Variants in GALNTL6 observed in about 807,000 individuals in gnomAD.
The protein encoded by GALNTL6 is polypeptide N-acetylgalactosaminyltransferase-like 6.
Under a neutral mutation model 73.7 loss-of-function variants are expected in GALNTL6, and 46 were observed. That is an observed-to-expected ratio of 0.62 (90% confidence interval 0.49 to 0.80). GALNTL6 has a LOEUF of 0.80. Among genes scored for constraint, GALNTL6 ranks in the 30% least tolerant of loss-of-function variants. GALNTL6 has a pLI of 0.00. For synonymous variants in GALNTL6, 259 were observed against 263.7 expected (o/e 0.98, Z 0.17); for missense variants, 604 against 755.0 (o/e 0.80, Z 2.34).
intron 5 of GALNTL6, among the ~76,000 whole-genome samples, chr4:172,695,845 C>G (rs1733655575): frequency 6.6e-6 from 1 of 151,818 alleles, no homozygotes; most frequent in Non-Finnish European, 1.5e-5. Flanking sequence ...CCCAGATACT[C>G]AGGAGGCTGA....
intron 5 of GALNTL6, among the ~76,000 whole-genome samples, chr4:172,752,606 G>A (rs1737491941): frequency 6.6e-6 from 1 of 151,918 alleles, no homozygotes; most frequent in African/African-American, 2.4e-5. Flanking sequence ...AATATTTAAT[G>A]CATTACTTCA....
At chr4:172,990,085 AG>A (rs1018272547) in intron 10 of GALNTL6, among the ~76,000 whole-genome samples, 8 of 152,196 alleles carry the variant, frequency 5.3e-5, no homozygotes, top group African/African-American at 1.9e-4. Context: ...AGTTCTCCCA[AG>A]GGGCTTTTAT....
chr4:172,769,770 G>T (rs556805687), intron 5 of GALNTL6, among the ~76,000 whole-genome samples: 1 of 152,100 alleles, frequency 6.6e-6, no homozygotes, highest in Non-Finnish European at 1.5e-5. Context: ...TTTGTATTTC[G>T]TGTAATAAAA....
At chr4:172,870,052 G>GACA (rs763611389) in intron 7 of GALNTL6, among the ~76,000 whole-genome samples, 1 of 143,056 alleles carries the variant, frequency 7.0e-6, no homozygotes, top group Middle Eastern at 3.3e-3. Flanking sequence ...GACCTTTACT[G>GACA]TCATCATCAT....
intron 5 of GALNTL6, among the ~76,000 whole-genome samples, chr4:172,609,122 T>C (rs1272757272): frequency 6.6e-6 from 1 of 152,134 alleles, no homozygotes; most frequent in African/African-American, 2.4e-5. Flanking sequence ...TTTGTTGCCT[T>C]TTTATTTCTT....
chr4:172,276,740 G>A (rs1031690896), intron 3 of GALNTL6, among the ~76,000 whole-genome samples: 1 of 151,830 alleles, frequency 6.6e-6, no homozygotes, highest in African/African-American at 2.4e-5. Flanking sequence ...AATTAATTGT[G>A]GGGTTTTTTT....
rs73870041 is a variant in GALNTL6, at chr4:172,229,783, G to T, written c.247+19G>T. 7,450 of 1,454,284 alleles carry T rather than the reference G, an allele frequency of 5.1e-3. 278 individuals are homozygous for T. In the African/African-American group the frequency reaches 0.085, roughly 17 times the overall value. The allele number at this position is 1,454,284 out of a possible 1,614,324, so 90.1% of individuals were successfully genotyped here. On this transcript the variant is annotated intron_variant, in intron 3 of 12. Coordinates refer to ENST00000506823, the MANE Select transcript of GALNTL6 (RefSeq NM_001034845.3). ...CGCTCAGGTATGAAGCTCAGTGTAC[G>T]CCAAAGTGCTATTTCACTCGCAGCA...
chr4:172,468,384 T>C (rs1732918167), intron 5 of GALNTL6, among the ~76,000 whole-genome samples: 1 of 152,232 alleles, frequency 6.6e-6, no homozygotes, highest in African/African-American at 2.4e-5. Flanking sequence ...TTAAGACTAT[T>C]AGAAATATAT....
intron 5 of GALNTL6, among the ~76,000 whole-genome samples, chr4:172,564,817 C>T (rs113098010): frequency 3.6e-4 from 55 of 152,264 alleles, no homozygotes; most frequent in South Asian, 1.9e-3. Context: ...CAGCTTTCTC[C>T]GAGTAGATGA....
chr4:172,376,624 T>G (rs1233587168), intron 5 of GALNTL6, among the ~76,000 whole-genome samples: 1 of 152,108 alleles, frequency 6.6e-6, no homozygotes, highest in Non-Finnish European at 1.5e-5. Flanking sequence ...CCCTGAATTC[T>G]AAGAAAAAAT....
At chr4:172,984,611 G>A (rs994680825) in intron 10 of GALNTL6, among the ~76,000 whole-genome samples, 1 of 152,108 alleles carries the variant, frequency 6.6e-6, no homozygotes, top group Non-Finnish European at 1.5e-5. Context: ...TGGGGACTCC[G>A]AAAGGAGGGA....
chr4:172,502,131 C>T (rs928331524), intron 5 of GALNTL6, among the ~76,000 whole-genome samples: 2 of 152,124 alleles, frequency 1.3e-5, no homozygotes, highest in African/African-American at 2.4e-5. Flanking sequence ...TTTACACTAT[C>T]GACTTGGTAA....
At chr4:172,562,139 C>T (rs1006201245) in intron 5 of GALNTL6, among the ~76,000 whole-genome samples, 1 of 152,120 alleles carries the variant, frequency 6.6e-6, no homozygotes, top group Non-Finnish European at 1.5e-5. Flanking sequence ...ATTCTCCTCC[C>T]AGTTGACCAC....
chr4:172,337,848 A>G (rs1355312340), intron 4 of GALNTL6, among the ~76,000 whole-genome samples: 4 of 151,928 alleles, frequency 2.6e-5, no homozygotes, highest in Admixed American at 6.5e-5. Context: ...TTTTTGCATT[A>G]TTATCTCAAA....
At chr4:172,307,718 C>T (rs1303285141) in intron 3 of GALNTL6, among the ~76,000 whole-genome samples, 1 of 152,018 alleles carries the variant, frequency 6.6e-6, no homozygotes, top group Non-Finnish European at 1.5e-5. Flanking sequence ...GGTGTACATG[C>T]CTGTTTTTAT....
chr4:172,777,942 T>C (rs879674322), intron 5 of GALNTL6, among the ~76,000 whole-genome samples: 7 of 152,240 alleles, frequency 4.6e-5, no homozygotes, highest in Non-Finnish European at 1.0e-4. Flanking sequence ...GTTCTCTCTA[T>C]TTCCTAGGTT....
In GALNTL6 at chr4:171,849,091, A is replaced by C. The variant is rs188399582; in HGVS notation, c.138+34373A>C. ...ACAACTTGGCCAACTGGCACAAGAG[A>C]CCCAGCTTGGGGCCTGTGGTGGCTT... On this transcript the variant is annotated intron_variant, in intron 2 of 12. Coordinates refer to ENST00000506823, the MANE Select transcript of GALNTL6 (RefSeq NM_001034845.3). Among the ~76,000 whole-genome samples, 468 of 152,284 alleles carry C rather than the reference A, an allele frequency of 3.1e-3. 2 individuals carry two copies. Among genetic ancestry groups the C allele is most frequent in the Non-Finnish European group, 5.0e-3 (339 of 68,016 alleles).
intron 7 of GALNTL6, among the ~76,000 whole-genome samples, chr4:172,862,231 G>A (rs547950853): frequency 1.3e-5 from 2 of 152,320 alleles, no homozygotes; most frequent in African/African-American, 2.4e-5. Context: ...CTAGAATGGA[G>A]ATGAACCACT....
chr4:172,273,966 T>G lies in GALNTL6; in HGVS notation c.248-37648T>G, dbSNP rs927581859. 2.6e-5 allele frequency among the ~76,000 whole-genome samples: 4 copies of G among 152,198 alleles called. No individual in the cohort carries two copies. In the East Asian group the frequency reaches 7.7e-4, roughly 29 times the overall value. On this transcript the variant is annotated intron_variant, in intron 3 of 12. Coordinates refer to ENST00000506823, the MANE Select transcript of GALNTL6 (RefSeq NM_001034845.3). ...GGTGATGACATGCAGGTCTACTTCT[T>G]TTATCCATAATTCCAAAATCAAAAA...
Sources: gnomAD v4.1 joint callset for allele counts (sites outside exome capture counted in the v4.1 genomes callset) on GRCh38, gnomAD v4.1.1 for gene constraint, MANE v1.5 for transcripts, NCBI Gene and HGNC (gene_info 2026-07-23, HGNC 2026-07-21) for gene names.